Variants in PLEKHG7 observed in about 807,000 individuals in gnomAD.
PLEKHG7 encodes the protein pleckstrin homology domain-containing family G member 7.
A neutral mutation model predicts 85.2 loss-of-function variants in PLEKHG7; 77 were observed. That is an observed-to-expected ratio of 0.90 (90% CI 0.75 to 1.09). PLEKHG7 has a LOEUF of 1.09. Among genes scored for constraint, PLEKHG7 ranks in the 50% least tolerant of loss-of-function variants. PLEKHG7 has a pLI of 0.00. For synonymous variants in PLEKHG7, 301 were observed against 302.4 expected (o/e 1.00, Z 0.05); for missense variants, 777 against 804.3 (o/e 0.97, Z 0.41).
At chr12:92,718,619 C>G (rs751651340) in intron 3 of PLEKHG7, among the ~76,000 whole-genome samples, 4 of 152,134 alleles carry the variant, frequency 2.6e-5, no homozygotes, top group Non-Finnish European at 4.4e-5. Flanking sequence ...CGTGTATTTT[C>G]TCCTCCAACT....
intron 3 of PLEKHG7, among the ~76,000 whole-genome samples, chr12:92,711,625 A>G (rs966299974): frequency 1.3e-5 from 2 of 152,116 alleles, no homozygotes; most frequent in African/African-American, 2.4e-5. Flanking sequence ...CTGTCTCTCA[A>G]AAGGAGAGTA....
intron 4 of PLEKHG7, among the ~76,000 whole-genome samples, 155 bp downstream of exon 4, chr12:92,729,275 C>T (rs1040236470): frequency 6.6e-6 from 1 of 151,778 alleles, no homozygotes; most frequent in African/African-American, 2.4e-5. Context: ...CCAGCTGTTA[C>T]TGGAATTACG....
At chr12:92,761,629 AG>A in intron 13 of PLEKHG7, 122 bp from the exon 14 acceptor site, 1 of 122,462 alleles carries the variant, frequency 8.2e-6, no homozygotes, top group South Asian at 2.0e-4. Context: ...GAAAGAAGAA[AG>A]AAAGAAAGAA....
intron 7 of PLEKHG7, among the ~76,000 whole-genome samples, chr12:92,738,282 T>A (rs1872240063): frequency 6.6e-6 from 1 of 152,308 alleles, no homozygotes; most frequent in East Asian, 1.9e-4. Context: ...AAGAGAACCA[T>A]AGAGCAGCTT....
chr12:92,732,202 GT>G (rs904681672), intron 4 of PLEKHG7, 30 bp from the exon 5 acceptor site: 9 of 1,213,480 alleles, frequency 7.4e-6, no homozygotes, highest in Non-Finnish European at 9.3e-6. Context: ...CTAAGTACTC[GT>G]AATAATATAT....
intron 3 of PLEKHG7, among the ~76,000 whole-genome samples, chr12:92,727,267 A>G (rs995716547): frequency 6.6e-6 from 1 of 152,162 alleles, no homozygotes; most frequent in Admixed American, 6.6e-5. Context: ...ATCTTTTTAA[A>G]AACTTATTTT....
chr12:92,727,539 C>A (rs1871849975), intron 3 of PLEKHG7, among the ~76,000 whole-genome samples: 1 of 151,996 alleles, frequency 6.6e-6, no homozygotes, highest in South Asian at 2.1e-4. Context: ...GATTAGTTTA[C>A]TTAGGATAAT....
At position 92,756,283 on chromosome 12, in the gene PLEKHG7, C is replaced by G; in HGVS notation, c.1543-15C>G. The G allele has an allele frequency of 6.4e-7, 1 of 1,566,562 alleles. No homozygotes were observed. The highest frequency in any genetic ancestry group is 8.8e-7 in the Non-Finnish European group (1 of 1,138,362). The stretch of plus-strand genomic sequence containing the variant: ...ACTAACAACATCTCTTTTATTTTCT[C>G]GCTTGTTTTACAAGTGTTTGAAACA... On this transcript the variant is annotated splice_polypyrimidine_tract_variant and intron_variant, in intron 12 of 16. Coordinates refer to ENST00000344636, the MANE Select transcript of PLEKHG7 (RefSeq NM_001377329.1).
chr12:92,744,163 G>T (rs1457588750), intron 9 of PLEKHG7, among the ~76,000 whole-genome samples: 6 of 152,156 alleles, frequency 3.9e-5, no homozygotes, highest in Non-Finnish European at 8.8e-5. Context: ...TTCAGACTGG[G>T]TCTGCTTTCT....
chr12:92,757,460 T>C (rs79444310), intron 13 of PLEKHG7, among the ~76,000 whole-genome samples: 2,903 of 152,260 alleles, frequency 0.019, 102 homozygotes, highest in African/African-American at 0.064. Flanking sequence ...AATAATCCCT[T>C]AATACATGTA....
At chr12:92,739,134 G>A (rs1565791893) in intron 7 of PLEKHG7, among the ~76,000 whole-genome samples, 1 of 152,248 alleles carries the variant, frequency 6.6e-6, no homozygotes, top group Admixed American at 6.5e-5. Flanking sequence ...GGCTTCTCTT[G>A]TAGTCACAGC....
intron 16 of PLEKHG7, 138 bp from the exon 17 acceptor site, chr12:92,769,950 T>C (rs1873354076): frequency 1.7e-6 from 1 of 589,550 alleles, no homozygotes; most frequent in Admixed American, 3.5e-5. Context: ...ATGGGAAACA[T>C]ATGCAAATGT....
chr12:92,712,307 G>T (rs2136572904), intron 3 of PLEKHG7, among the ~76,000 whole-genome samples: 1 of 152,320 alleles, frequency 6.6e-6, no homozygotes, highest in East Asian at 1.9e-4. Flanking sequence ...ATGGTATATT[G>T]CTGGCCTTGC....
chr12:92,741,740 C>A, intron 9 of PLEKHG7, 148 bp downstream of exon 9: 1 of 462,922 alleles, frequency 2.2e-6, no homozygotes, highest in Non-Finnish European at 3.7e-6. Flanking sequence ...CTCTGCCAGT[C>A]AACATTTTCA....
intron 15 of PLEKHG7, among the ~76,000 whole-genome samples, chr12:92,767,336 C>G (rs952323106): frequency 6.6e-6 from 1 of 152,138 alleles, no homozygotes; most frequent in African/African-American, 2.4e-5. Context: ...ATACTACAAA[C>G]CAAATGAAGC....
intron 15 of PLEKHG7, among the ~76,000 whole-genome samples, chr12:92,765,655 A>G (rs886115938): frequency 2.2e-4 from 33 of 151,508 alleles, no homozygotes; most frequent in African/African-American, 7.7e-4. Context: ...ATAGTGAGGT[A>G]CAGCAGCACA....
rs553341538 is a variant in PLEKHG7, at chr12:92,736,558, A to G, written c.776A>G (p.Tyr259Cys). ...GTGAAAATTACCAGCTTCAGGGGCTATGACTTCTACGGTCTTAAGGTATCT... is the reference window on the plus strand; with the variant it reads ...GTGAAAATTACCAGCTTCAGGGGCTGTGACTTCTACGGTCTTAAGGTATCT... ...SSVKITSFRG[Y>C]DFYGLKDKTW... is the part of the protein sequence containing the mutation. Residue 259 changes from tyrosine (Y) to cysteine (C), a missense_variant, in exon 6 of 17, where the codon TAT (tyrosine) becomes TGT (cysteine). This residue lies in a region of PLEKHG7 where 520 missense variants were observed against 544.0 expected (regional missense o/e 0.96). Transcript: ENST00000344636. 2.4e-6 allele frequency: 3 copies of G among 1,229,568 alleles called. No individual in the cohort carries two copies. Among genetic ancestry groups the G allele is most frequent in the Admixed American group, 4.2e-5 (1 of 23,716 alleles). The allele number at this position is 1,229,568 out of a possible 1,614,324, so 76.2% of individuals were successfully genotyped here.
intron 7 of PLEKHG7, among the ~76,000 whole-genome samples, chr12:92,737,727 A>AG (rs144208493): frequency 7.3e-5 from 2 of 27,468 alleles, no homozygotes; most frequent in Middle Eastern, 0.017. Flanking sequence ...GAGGGAAGGA[A>AG]GGAGGGAGGA....
intron 3 of PLEKHG7, among the ~76,000 whole-genome samples, chr12:92,718,490 G>A (rs556018712): frequency 1.3e-5 from 2 of 152,268 alleles, no homozygotes; most frequent in South Asian, 4.1e-4. Context: ...ACACTGCCTG[G>A]CACTTAGTAG....
Sources: allele counts gnomAD v4.1 joint callset (sites outside exome capture counted in the v4.1 genomes callset), GRCh38; gene constraint gnomAD v4.1.1; regional missense constraint gnomAD v4.1.1; transcripts MANE v1.5; gene names NCBI Gene and HGNC (gene_info 2026-07-23, HGNC 2026-07-21).